GYPE: variants seen among roughly 807,000 people sequenced by gnomAD.
GYPE encodes glycophorin E (MNS blood group).
A neutral mutation model predicts 11.6 loss-of-function variants in GYPE; 8 were observed. The observed-to-expected ratio is 0.69, with a 90% CI of 0.41 to 1.25. The LOEUF is 1.25. Among genes scored for constraint, GYPE ranks in the 50% most tolerant of loss-of-function variants. GYPE has a pLI of 0.01. For synonymous variants in GYPE, 28 were observed against 29.6 expected (o/e 0.94, Z 0.18); for missense variants, 90 against 92.8 (o/e 0.97, Z 0.12).
Position 143,900,703 on chromosome 4 carries a change from CA to C in GYPE, c.37+4767del, listed in dbSNP as rs552018876. On this transcript the variant is annotated intron_variant, in intron 1 of 3. Coordinates refer to ENST00000358615, the MANE Select transcript of GYPE (RefSeq NM_198682.3). ...CTACAATATGGATGAACTTTAAACA[CA>C]TTATTTTAAGTGAAAGAAGCCATAC... Among the ~76,000 whole-genome samples the C allele has an allele frequency of 2.9e-3, 444 of 152,134 alleles. 1 individual carries two copies. The highest frequency in any genetic ancestry group is 1.0e-2 in the African/African-American group (414 of 41,494).
At chr4:143,895,232 G>A (rs1473604358) in intron 1 of GYPE, among the ~76,000 whole-genome samples, 2 of 152,158 alleles carry the variant, frequency 1.3e-5, no homozygotes, top group Admixed American at 6.5e-5. Context: ...GTTCACAGAC[G>A]ACATGATTGT....
intron 2 of GYPE, 52 bp from the exon 3 acceptor site, chr4:143,876,907 C>T: frequency 1.0e-6 from 1 of 977,468 alleles, no homozygotes; most frequent in Middle Eastern, 2.0e-4. Context: ...AATAAATGAC[C>T]ACATCCAATT....
chr4:143,901,336 G>T (rs1744857360), intron 1 of GYPE, among the ~76,000 whole-genome samples: 1 of 151,942 alleles, frequency 6.6e-6, no homozygotes, highest in South Asian at 2.1e-4. Flanking sequence ...GTGTTTGTTC[G>T]ATTTACTTTT....
chr4:143,897,040 G>A (rs1005629673), intron 1 of GYPE, among the ~76,000 whole-genome samples: 1 of 152,096 alleles, frequency 6.6e-6, no homozygotes, highest in Non-Finnish European at 1.5e-5. Context: ...ATAGCATTAA[G>A]AGATATACCT....
intron 1 of GYPE, among the ~76,000 whole-genome samples, chr4:143,893,877 G>A (rs1744512799): frequency 6.6e-6 from 1 of 152,124 alleles, no homozygotes; most frequent in South Asian, 2.1e-4. Flanking sequence ...GACTGGGGAA[G>A]TTCTCCTGGA....
At chr4:143,900,359 C>A (rs1744813813) in intron 1 of GYPE, among the ~76,000 whole-genome samples, 1 of 124,368 alleles carries the variant, frequency 8.0e-6, no homozygotes, top group Non-Finnish European at 1.7e-5. Flanking sequence ...TCAAAAGGTG[C>A]AGCTCCTGTG....
intron 1 of GYPE, among the ~76,000 whole-genome samples, chr4:143,900,755 C>A (rs1261761240): frequency 1.3e-5 from 2 of 151,990 alleles, no homozygotes; most frequent in African/African-American, 4.8e-5. Flanking sequence ...TTATATGATT[C>A]CATTTATATG....
chr4:143,890,220 G>T (rs1361553082), intron 1 of GYPE, among the ~76,000 whole-genome samples: 1 of 152,142 alleles, frequency 6.6e-6, no homozygotes, highest in African/African-American at 2.4e-5. Flanking sequence ...AGATGGTTCT[G>T]GTTATTAACA....
chr4:143,896,501 G>A (rs1255087618), intron 1 of GYPE, among the ~76,000 whole-genome samples: 4 of 152,178 alleles, frequency 2.6e-5, no homozygotes, highest in East Asian at 1.9e-4. Context: ...TAAAAGTCAG[G>A]AAACAACAGG....
chr4:143,893,610 C>A (rs1447043126), intron 1 of GYPE, among the ~76,000 whole-genome samples: 1 of 152,124 alleles, frequency 6.6e-6, no homozygotes, highest in Non-Finnish European at 1.5e-5. Flanking sequence ...ATTGAAAATT[C>A]TTTTCTTTAA....
At chr4:143,901,155 A>G (rs1849109) in intron 1 of GYPE, among the ~76,000 whole-genome samples, 142,722 of 152,158 alleles carry the variant, frequency 0.94, 67,672 homozygotes, top group East Asian at 1. Flanking sequence ...TGATCAAATA[A>G]CTGTTTATAG....
At chr4:143,903,141 G>C (rs1488717955) in intron 1 of GYPE, among the ~76,000 whole-genome samples, 1 of 151,920 alleles carries the variant, frequency 6.6e-6, no homozygotes, top group Non-Finnish European at 1.5e-5. Context: ...TTCTTAAGCA[G>C]TTTTCGGCAT....
intron 2 of GYPE, chr4:143,878,683 A>C (rs1411139435): frequency 2.0e-6 from 1 of 492,574 alleles, no homozygotes; most frequent in South Asian, 1.5e-5. Context: ...TTCTCCTATA[A>C]AGCGAAATTT....
At chr4:143,891,496 T>C (rs1744404737) in intron 1 of GYPE, among the ~76,000 whole-genome samples, 1 of 151,600 alleles carries the variant, frequency 6.6e-6, no homozygotes, top group Non-Finnish European at 1.5e-5. Flanking sequence ...GCCTGACTAA[T>C]TTTTTGTATT....
chr4:143,892,341 C>T (rs4371569), intron 1 of GYPE, among the ~76,000 whole-genome samples: 90,179 of 147,784 alleles, frequency 0.61, 27,949 homozygotes, highest in East Asian at 0.76. Flanking sequence ...TTATTTCTTG[C>T]CTTCTGCTAG....
At chr4:143,875,407 A>G in intron 3 of GYPE, 4 of 1,524,136 alleles carry the variant, frequency 2.6e-6, no homozygotes, top group South Asian at 1.2e-5. Context: ...GTTGGGGCAT[A>G]AGCAAAGGAA....
intron 1 of GYPE, among the ~76,000 whole-genome samples, chr4:143,902,783 C>T (rs1464340111): frequency 6.6e-6 from 1 of 152,088 alleles, no homozygotes; most frequent in Non-Finnish European, 1.5e-5. Flanking sequence ...CCTTTGTTTC[C>T]TCCAATTAAA....
At position 143,904,261 on chromosome 4, in the gene GYPE, G is replaced by T. The variant is rs569396609; in HGVS notation, c.37+1210C>A. 5.9e-5 allele frequency among the ~76,000 whole-genome samples: 9 copies of T among 152,032 alleles called. 1 individual carries two copies. The South Asian group carries it at 1.9e-3, about 32-fold the overall frequency. ...TTATTAATACTTATTAATCATGATA[G>T]TTAATTCTAATCATAGAAAATGCAT... On this transcript the variant is annotated intron_variant, in intron 1 of 3. Coordinates refer to ENST00000358615, the MANE Select transcript of GYPE (RefSeq NM_198682.3).
Position 143,905,524 on chromosome 4 carries a change from G to A in GYPE, c.-17C>T. 6.2e-7 allele frequency: 1 copy of A among 1,613,152 alleles called. No homozygotes were observed. The highest frequency in any genetic ancestry group is 8.5e-7 in the Non-Finnish European group (1 of 1,179,340). On this transcript the variant is annotated 5_prime_UTR_variant, in exon 1 of 4. Coordinates refer to ENST00000358615, the MANE Select transcript of GYPE (RefSeq NM_198682.3). Reference sequence around the variant, plus strand: ...TCCATACATCCTGAGATCACGAGCTGGCTCCTGAAGTTAGTGCAAAAAAAC... The same window carrying A: ...TCCATACATCCTGAGATCACGAGCTAGCTCCTGAAGTTAGTGCAAAAAAAC...
Sources: allele counts gnomAD v4.1 joint callset (sites outside exome capture counted in the v4.1 genomes callset), GRCh38; gene constraint gnomAD v4.1.1; transcripts MANE v1.5; gene names NCBI Gene and HGNC (gene_info 2026-07-23, HGNC 2026-07-21).